The following ABLIM2 variants were observed in gnomAD, a reference collection of about 807,000 sequenced individuals.
ABLIM2 encodes the protein actin-binding LIM protein 2.
In ABLIM2, 53 loss-of-function variants were observed where a neutral mutation model predicts 97.7. The ratio of observed to expected loss-of-function variants is 0.54; its 90% CI spans 0.44 to 0.68. The LOEUF (loss-of-function observed/expected upper bound fraction) is 0.68, where lower values mean the gene tolerates loss of function less well. Ranked by LOEUF, ABLIM2 falls within the 30% of genes least tolerant of loss-of-function variation. The probability of loss-of-function intolerance (pLI) is 0.00; values close to 1 mark genes in which losing one functional copy is unlikely to be tolerated. For missense variants in ABLIM2, 835 were observed against 867.2 expected (o/e 0.96, Z 0.47); for synonymous variants, 361 against 345.8 (o/e 1.04, Z -0.49).
intron 7 of ABLIM2, among the ~76,000 whole-genome samples, chr4:8,057,939 G>C (rs1352098568): frequency 6.6e-6 from 1 of 152,230 alleles, no homozygotes; most frequent in Non-Finnish European, 1.5e-5. Flanking sequence ...CCAGGGAGCA[G>C]AGCCTCAAAG....
intron 7 of ABLIM2, among the ~76,000 whole-genome samples, chr4:8,057,782 G>T (rs1800295896): frequency 6.6e-6 from 1 of 152,216 alleles, no homozygotes; most frequent in African/African-American, 2.4e-5. Context: ...AGACCGTGGG[G>T]GTCGCTGGGG....
intron 6 of ABLIM2, among the ~76,000 whole-genome samples, chr4:8,070,548 C>T (rs1170423879): frequency 1.3e-5 from 2 of 152,064 alleles, no homozygotes; most frequent in Non-Finnish European, 2.9e-5. Flanking sequence ...TGCTTCCTGC[C>T]CCAAGACAGA....
At chr4:8,131,495 G>A (rs980903326) in intron 1 of ABLIM2, among the ~76,000 whole-genome samples, 1 of 152,198 alleles carries the variant, frequency 6.6e-6, no homozygotes, top group African/African-American at 2.4e-5. Flanking sequence ...TTTAGTAAAA[G>A]AGGGGGATGA....
At chr4:8,154,942 G>C (rs190606157) in intron 1 of ABLIM2, among the ~76,000 whole-genome samples, 57 of 152,384 alleles carry the variant, frequency 3.7e-4, no homozygotes, top group Non-Finnish European at 6.8e-4. Flanking sequence ...GCAGGCAAGA[G>C]AGCGTGTGCA....
chr4:8,057,094 CTTTCT>C (rs986620889), intron 7 of ABLIM2, among the ~76,000 whole-genome samples: 8 of 141,840 alleles, frequency 5.6e-5, no homozygotes, highest in East Asian at 2.2e-4. Flanking sequence ...TCTTTTCTTT[CTTTCT>C]TTTTTTTTTT....
At chr4:8,129,596 C>T (rs1849072140) in intron 1 of ABLIM2, among the ~76,000 whole-genome samples, 1 of 152,204 alleles carries the variant, frequency 6.6e-6, no homozygotes, top group African/African-American at 2.4e-5. Flanking sequence ...GAAAACTTGA[C>T]ACCCCATCCC....
intron 8 of ABLIM2, among the ~76,000 whole-genome samples, chr4:8,047,344 G>T (rs536949393): frequency 6.7e-6 from 1 of 149,910 alleles, no homozygotes; most frequent in African/African-American, 2.4e-5. Context: ...GGCAACTGCC[G>T]CTGCCACCGC....
rs1047671944 is a variant in ABLIM2 at position 8,128,889 on chromosome 4, C to T, written c.11-22252G>A. 6.6e-6 allele frequency among the ~76,000 whole-genome samples: 1 copy of T among 152,202 alleles called. No individual in the cohort carries two copies. Among genetic ancestry groups the T allele is most frequent in the African/African-American group, 2.4e-5 (1 of 41,456 alleles). ...TCTGCAGCTCAGAAGAGGGCCCACC[C>T]AGAGCCCGACCATGCTGGCACTCTG... On this transcript the variant is annotated intron_variant, in intron 1 of 20. Coordinates refer to ENST00000447017, the MANE Select transcript of ABLIM2 (RefSeq NM_001130083.2). This position sits in a 1 kb window ranked among gnomAD's most constrained non-coding sequence, Gnocchi z 4.9.
chr4:7,981,392 C>T (rs990665821), intron 20 of ABLIM2, among the ~76,000 whole-genome samples: 4 of 152,216 alleles, frequency 2.6e-5, no homozygotes, highest in Admixed American at 1.3e-4. Context: ...CCTTTCCAGA[C>T]CGAACCAATG....
chr4:7,998,529 G>C lies in ABLIM2; in HGVS notation c.1619-5602C>G, dbSNP rs145936807. 2.4e-3 allele frequency: 1,069 copies of C among 450,126 alleles called. 10 individuals carry two copies. The highest frequency in any genetic ancestry group is 0.019 in the African/African-American group (967 of 50,092). The allele number at this position is 450,126 out of a possible 1,614,324, so 27.9% of individuals were successfully genotyped here. The stretch of plus-strand genomic sequence containing the variant: ...CTTCTTGGGGTGTCCTGTGTCGCTG[G>C]GTGGGGGTGGGAGATGCCTGCCACG... On this transcript the variant is annotated intron_variant, in intron 16 of 20. Coordinates refer to ENST00000447017, the MANE Select transcript of ABLIM2 (RefSeq NM_001130083.2). This position sits in a 1 kb window ranked among gnomAD's most constrained non-coding sequence, Gnocchi z 6.4.
rs1425920957 is a variant in ABLIM2, at chr4:8,082,323, T to A, written c.455-1521A>T. Among the ~76,000 whole-genome samples the A allele has an allele frequency of 6.6e-6, 1 of 152,168 alleles. No individual in the cohort carries two copies. Among genetic ancestry groups the A allele is most frequent in the African/African-American group, 2.4e-5 (1 of 41,438 alleles). On this transcript the variant is annotated intron_variant, in intron 4 of 20. Coordinates refer to ENST00000447017, the MANE Select transcript of ABLIM2 (RefSeq NM_001130083.2). The surrounding 1 kb of genome is among the most constrained non-coding windows in gnomAD (Gnocchi z 5.6). ...TCCTCCTGCGGGAGCCCCCATTTCC[T>A]CATCGTGGGGTGGGGTGATCACCTC...
In ABLIM2 at chr4:8,127,625, G is replaced by A. The variant is rs978929033; in HGVS notation, c.11-20988C>T. ...GGGTCGGCGGCTCTCCCTCTGCGTG[G>A]CTGGGCCTGGCACCCACGGAGGATC... On this transcript the variant is annotated intron_variant, in intron 1 of 20. Coordinates refer to ENST00000447017, the MANE Select transcript of ABLIM2 (RefSeq NM_001130083.2). The surrounding 1 kb of genome is among the most constrained non-coding windows in gnomAD (Gnocchi z 7.3). 6 of 1,288,774 alleles carry A rather than the reference G, an allele frequency of 4.7e-6. No individual in the cohort carries two copies. Among genetic ancestry groups the A allele is most frequent in the Non-Finnish European group, 4.0e-6 (4 of 988,282 alleles). 79.8% of individuals were successfully genotyped at this position (1,288,774 alleles called of 1,614,324 possible).
chr4:7,992,852 G>T lies in ABLIM2; in HGVS notation c.1680+14C>A. On this transcript the variant is annotated intron_variant, in intron 17 of 20. Transcript: ENST00000447017. The surrounding 1 kb of genome is among the most constrained non-coding windows in gnomAD (Gnocchi z 5.7). ...TCGTTAGTACCCTGTGGCCAGGGAGGGGTCAGTACCTACCCGCTGGTCCAA... is the reference window on the plus strand; with the variant it reads ...TCGTTAGTACCCTGTGGCCAGGGAGTGGTCAGTACCTACCCGCTGGTCCAA... 6 of 1,611,274 alleles carry T rather than the reference G, an allele frequency of 3.7e-6. No individual in the cohort carries two copies. The highest frequency in any genetic ancestry group is 5.1e-6 in the Non-Finnish European group (6 of 1,178,868).
chr4:8,032,656 G>C lies in ABLIM2; in HGVS notation c.1048-2880C>G. 1 of 1,612,592 alleles carries C rather than the reference G, an allele frequency of 6.2e-7. No homozygotes were observed. ...GAGAGGGTGGTGGTTACCTCGGTCG[G>C]CGTTGGCGAGAGCAACTGAGGGGAC... On this transcript the variant is annotated intron_variant, in intron 10 of 20. Coordinates refer to ENST00000447017, the MANE Select transcript of ABLIM2 (RefSeq NM_001130083.2). This position sits in a 1 kb window ranked among gnomAD's most constrained non-coding sequence, Gnocchi z 4.3.
intron 20 of ABLIM2, among the ~76,000 whole-genome samples, chr4:7,976,345 A>G (rs1170513537): frequency 6.6e-6 from 1 of 152,180 alleles, no homozygotes; most frequent in African/African-American, 2.4e-5. Context: ...CCAAGATGCC[A>G]TCATGCTTTG....
chr4:8,136,817 ACACAGCGGGGCCTCCC>A (rs1850257729), intron 1 of ABLIM2, among the ~76,000 whole-genome samples: 1 of 152,230 alleles, frequency 6.6e-6, no homozygotes, highest in Admixed American at 6.5e-5. Context: ...CTTCCAGAGC[ACACAGCGGGGCCTCCC>A]CGCTCAGGCC....
chr4:8,026,670 C>T (rs34916998), intron 12 of ABLIM2, among the ~76,000 whole-genome samples: 36,294 of 152,222 alleles, frequency 0.24, 4,721 homozygotes, highest in Non-Finnish European at 0.31. Flanking sequence ...TTCTGTGGTG[C>T]ACCAGTCAGC....
chr4:8,148,904 G>A lies in ABLIM2; in HGVS notation c.10+9776C>T, dbSNP rs192665652. Among the ~76,000 whole-genome samples, 12 of 152,314 alleles carry A rather than the reference G, an allele frequency of 7.9e-5. No individual in the cohort carries two copies. The South Asian group carries it at 8.3e-4, about 11-fold the overall frequency. On this transcript the variant is annotated intron_variant, in intron 1 of 20. Transcript: ENST00000447017. The surrounding 1 kb of genome is among the most constrained non-coding windows in gnomAD (Gnocchi z 6.7). ...AGAAACCTGGGCTCCGCAGGCACCC[G>A]GGAGATCAGGCCACGCCAGGACCCG...
chr4:8,083,619 T>C lies in ABLIM2; in HGVS notation c.455-2817A>G, dbSNP rs11730905. 0.23 allele frequency among the ~76,000 whole-genome samples: 34,795 copies of C among 152,206 alleles called. 4,913 individuals carry two copies. The highest frequency in any genetic ancestry group is 0.33 in the Middle Eastern group (96 of 294). ...GCAAGGTGCAAAAGGAGCGTTGCCA[T>C]GGAAACCACATCCTCACTTTCTAAA... On this transcript the variant is annotated intron_variant, in intron 4 of 20. Transcript: ENST00000447017. The surrounding 1 kb of genome is among the most constrained non-coding windows in gnomAD (Gnocchi z 4.6).
Sources: gnomAD v4.1 joint callset for allele counts (sites outside exome capture counted in the v4.1 genomes callset) on GRCh38, gnomAD v4.1.1 for gene constraint, Gnocchi (gnomAD v3.1) non-coding constraint, MANE v1.5 for transcripts, NCBI Gene and HGNC (gene_info 2026-07-23, HGNC 2026-07-21) for gene names.